CCDC30: variants seen among roughly 807,000 people sequenced by gnomAD.
The protein encoded by CCDC30 is coiled-coil domain-containing protein 30.
Under a neutral mutation model 100.2 loss-of-function variants are expected in CCDC30, and 70 were observed. The ratio of observed to expected loss-of-function variants is 0.70; its 90% CI spans 0.58 to 0.85. The LOEUF (loss-of-function observed/expected upper bound fraction) is 0.85. CCDC30 is among the 40% of genes least tolerant of loss of function. The probability of loss-of-function intolerance (pLI) is 0.00; values close to 1 mark genes in which losing one functional copy is unlikely to be tolerated. For synonymous variants in CCDC30, 233 were observed against 269.5 expected (o/e 0.86, Z 1.33); for missense variants, 652 against 771.2 (o/e 0.85, Z 1.83).
chr1:42,544,463 C>T (rs931646602), intron 6 of CCDC30, among the ~76,000 whole-genome samples: 1 of 152,184 alleles, frequency 6.6e-6, no homozygotes, highest in African/African-American at 2.4e-5. Context: ...GTGAGTCTTA[C>T]TCAGGGTAGG....
At chr1:42,505,843 A>ATT (rs1233404703) in intron 6 of CCDC30, among the ~76,000 whole-genome samples, 1 of 152,198 alleles carries the variant, frequency 6.6e-6, no homozygotes, top group Non-Finnish European at 1.5e-5. Flanking sequence ...GTAGGCAACA[A>ATT]TATGAGGCTA....
At chr1:42,490,840 A>G (rs1318818187) in intron 4 of CCDC30, among the ~76,000 whole-genome samples, 1 of 152,204 alleles carries the variant, frequency 6.6e-6, no homozygotes, top group African/African-American at 2.4e-5. Flanking sequence ...ACCTGTGATC[A>G]ATACAAATCA....
At chr1:42,533,706 T>G (rs2148516883) in intron 6 of CCDC30, among the ~76,000 whole-genome samples, 1 of 152,364 alleles carries the variant, frequency 6.6e-6, no homozygotes, top group South Asian at 2.1e-4. Flanking sequence ...AGTGCCTGCA[T>G]TCATCTTTTC....
At chr1:42,533,283 A>T (rs539551061) in intron 6 of CCDC30, among the ~76,000 whole-genome samples, 2 of 152,098 alleles carry the variant, frequency 1.3e-5, no homozygotes, top group East Asian at 3.9e-4. Context: ...GGTGTTGATA[A>T]CGTCACTGGT....
chr1:42,602,484 G>A (rs541528012), intron 10 of CCDC30, among the ~76,000 whole-genome samples: 4 of 152,128 alleles, frequency 2.6e-5, no homozygotes, highest in African/African-American at 4.8e-5. Flanking sequence ...CAGATGCCAC[G>A]AACATTAGAG....
chr1:42,585,541 T>C lies in CCDC30; in HGVS notation c.1002-3780T>C, dbSNP rs572227132. On this transcript the variant is annotated intron_variant, in intron 9 of 16. Transcript: ENST00000668663. ...TATTGTTTTCTTGTTTTCAATCCCA[T>C]TGATTAATACTCTCATTTTTACTAT... is the stretch of plus-strand genomic sequence containing the variant. Among the ~76,000 whole-genome samples the C allele has an allele frequency of 3.2e-4, 49 of 152,252 alleles. No homozygotes were observed. In the South Asian group the frequency reaches 9.7e-3, roughly 30 times the overall value.
At chr1:42,462,804 G>C (rs567309025), upstream of CCDC30, among the ~76,000 whole-genome samples, 12 of 152,188 alleles carry the variant, frequency 7.9e-5, no homozygotes, top group South Asian at 2.1e-3. Flanking sequence ...GACAATTCTA[G>C]TCAAGCCCAG....
At chr1:42,497,025 C>T (rs1644242328) in intron 4 of CCDC30, 73 bp from the exon 5 acceptor site, 2 of 708,756 alleles carry the variant, frequency 2.8e-6, no homozygotes, top group East Asian at 3.4e-5. Context: ...GCACTTCCTT[C>T]GTTTTTAGAG....
At chr1:42,490,860 T>G (rs559617495) in intron 4 of CCDC30, among the ~76,000 whole-genome samples, 11 of 152,350 alleles carry the variant, frequency 7.2e-5, no homozygotes, top group African/African-American at 2.4e-4. Context: ...ATGCATATTT[T>G]ACTGGGACCA....
At chr1:42,539,902 A>G (rs1644979275) in intron 6 of CCDC30, among the ~76,000 whole-genome samples, 1 of 149,344 alleles carries the variant, frequency 6.7e-6, no homozygotes, top group African/African-American at 2.5e-5. Context: ...TGGGCAGCAC[A>G]GTGAGACCCC....
At chr1:42,477,163 A>C (rs78901705) in intron 1 of CCDC30, among the ~76,000 whole-genome samples, 1 of 151,958 alleles carries the variant, frequency 6.6e-6, no homozygotes, top group Admixed American at 6.6e-5. Context: ...AGGTTGTTCA[A>C]GGGCTCTAAT....
chr1:42,456,558 C>T, the CCDC30 span: 7 of 1,464,938 alleles, frequency 4.8e-6, no homozygotes, highest in East Asian at 2.5e-5. Context: ...CCGGCCGCTG[C>T]GCTGCAGATG....
At chr1:42,589,558 G>A in intron 10 of CCDC30, 75 bp downstream of exon 14, 2 of 1,319,826 alleles carry the variant, frequency 1.5e-6, no homozygotes, top group Non-Finnish European at 2.2e-6. Flanking sequence ...TGAGTGCCTA[G>A]CACTTTACTA....
At chr1:42,587,867 G>A (rs1339358709) in intron 9 of CCDC30, among the ~76,000 whole-genome samples, 1 of 152,094 alleles carries the variant, frequency 6.6e-6, no homozygotes, top group East Asian at 1.9e-4. Context: ...AAATACCAGG[G>A]GTTTGGTCTA....
upstream of CCDC30, chr1:42,459,519 A>T: frequency 8.4e-7 from 1 of 1,191,832 alleles, no homozygotes; most frequent in African/African-American, 1.5e-5. Context: ...TCCCACTTAA[A>T]TTTAATTCCT....
At chr1:42,575,518 C>T (rs2809649) in intron 7 of CCDC30, among the ~76,000 whole-genome samples, 89,228 of 151,068 alleles carry the variant, frequency 0.59, 26,723 homozygotes, top group East Asian at 0.81. Context: ...GGCATGGTGG[C>T]GGGTGCCTGT....
intron 11 of CCDC30, among the ~76,000 whole-genome samples, chr1:42,614,082 C>CTT (rs140335668): frequency 1.5e-5 from 2 of 137,672 alleles, no homozygotes; most frequent in African/African-American, 2.7e-5. Context: ...CCCCAATATT[C>CTT]TTTTTTTTTT....
chr1:42,569,660 T>G lies in CCDC30; in HGVS notation c.636+3185T>G, dbSNP rs188863574. Among the ~76,000 whole-genome samples, 237 of 152,264 alleles carry G rather than the reference T, an allele frequency of 1.6e-3. 2 individuals are homozygous for G. Among genetic ancestry groups the G allele is most frequent in the Non-Finnish European group, 3.0e-3 (204 of 68,022 alleles). On this transcript the variant is annotated intron_variant, in intron 7 of 16. Coordinates refer to ENST00000668663, the Ensembl canonical transcript of CCDC30. ...CAAAGGATTATAAATCATTCTACTATAAAGACACATGCACATGTATGTTTA... is the reference window on the plus strand; with the variant it reads ...CAAAGGATTATAAATCATTCTACTAGAAAGACACATGCACATGTATGTTTA...
exon 10 of CCDC30, chr1:42,589,410 A>G: frequency 1.9e-6 from 3 of 1,614,052 alleles, no homozygotes; most frequent in Non-Finnish European, 2.5e-6. Context: ...ACCTGTTCTC[A>G]GCAACAATCC....
Sources: allele counts gnomAD v4.1 joint callset (sites outside exome capture counted in the v4.1 genomes callset), GRCh38; gene constraint gnomAD v4.1.1; transcripts MANE v1.5; gene names NCBI Gene and HGNC (gene_info 2026-07-23, HGNC 2026-07-21).